Variants in HDGFL3 observed in about 807,000 individuals in gnomAD.
The protein encoded by HDGFL3 is hepatoma-derived growth factor-related protein 3.
A neutral mutation model predicts 27.6 loss-of-function variants in HDGFL3; 6 were observed. The ratio of observed to expected loss-of-function variants is 0.22; its 90% CI spans 0.12 to 0.43. HDGFL3 has a LOEUF of 0.43. Ranked by LOEUF, HDGFL3 falls within the 20% of genes least tolerant of loss-of-function variation. The pLI is 1.00. For synonymous variants in HDGFL3, 88 were observed against 88.9 expected, an observed-to-expected ratio of 0.99 and a Z score of 0.05; for missense variants, 207 against 250.1, an observed-to-expected ratio of 0.83 and a Z score of 1.16.
At chr15:83,159,831 C>A (rs797010941) in intron 2 of HDGFL3, among the ~76,000 whole-genome samples, 7 of 152,104 alleles carry the variant, frequency 4.6e-5, no homozygotes, top group African/African-American at 1.7e-4. Context: ...TGGTGTGAGA[C>A]AGGTTAACAG....
intron 1 of HDGFL3, among the ~76,000 whole-genome samples, chr15:83,191,309 C>T (rs1372847645): frequency 6.6e-6 from 1 of 152,082 alleles, no homozygotes; most frequent in Non-Finnish European, 1.5e-5. Flanking sequence ...ATTAAACACG[C>T]ATTTATAAAA....
At chr15:83,163,630 T>C in intron 2 of HDGFL3, 1 of 196,266 alleles carries the variant, frequency 5.1e-6, no homozygotes, top group Admixed American at 5.6e-5. Flanking sequence ...AGAACATAAC[T>C]TTGTTCTGTG....
chr15:83,114,854 C>G (rs1320916766), exon 4 of HDGFL3: 1 of 152,182 alleles, frequency 6.6e-6, no homozygotes, highest in Non-Finnish European at 1.5e-5. Flanking sequence ...GTTATTTGTG[C>G]TAGTAGTTTT....
intron 3 of HDGFL3, 71 bp downstream of exon 3, chr15:83,157,832 A>C: frequency 4.3e-6 from 6 of 1,400,538 alleles, no homozygotes; most frequent in Non-Finnish European, 6.0e-6. Flanking sequence ...AAGGACATAT[A>C]AGAAAGATTT....
At chr15:83,170,892 CAAAT>C (rs1224597143) in intron 1 of HDGFL3, among the ~76,000 whole-genome samples, 34 of 121,448 alleles carry the variant, frequency 2.8e-4, no homozygotes, top group Admixed American at 2.5e-4. Context: ...AAAAAAAAAA[CAAAT>C]AATCTCATTA....
intron 1 of HDGFL3, among the ~76,000 whole-genome samples, chr15:83,176,714 G>T (rs2037316094): frequency 6.6e-6 from 1 of 152,126 alleles, no homozygotes; most frequent in African/African-American, 2.4e-5. Context: ...CATATTTTAA[G>T]AGATTTCATC....
Position 83,157,775 on chromosome 15 carries a change from C to G in HDGFL3, c.300+128G>C, listed in dbSNP as rs1034292785. Reference sequence around the variant, plus strand: ...TAAGAATTACATTTAATCCAAAATGCTACTGGAGTCAAAAAGAATTGTGAC... The same window carrying G: ...TAAGAATTACATTTAATCCAAAATGGTACTGGAGTCAAAAAGAATTGTGAC... On this transcript the variant is annotated intron_variant, in intron 3 of 5. Transcript: ENST00000299633. The G allele has an allele frequency of 5.1e-6, 5 of 989,940 alleles. No individual in the cohort carries two copies. The African/African-American group carries it at 8.2e-5, about 16-fold the overall frequency. 61.3% of individuals were successfully genotyped at this position (989,940 alleles called of 1,614,324 possible).
intron 1 of HDGFL3, among the ~76,000 whole-genome samples, chr15:83,170,488 C>T (rs545056679): frequency 1.2e-4 from 18 of 152,228 alleles, no homozygotes; most frequent in East Asian, 1.2e-3. Flanking sequence ...CTATTTGATA[C>T]ATGGTGCTGG....
At chr15:83,142,114 A>C (rs1024293395) in intron 5 of HDGFL3, among the ~76,000 whole-genome samples, 1 of 152,218 alleles carries the variant, frequency 6.6e-6, no homozygotes. Flanking sequence ...CAGTAGGGCA[A>C]TTCCTCAAAG....
At chr15:83,162,159 G>A (rs969692830) in intron 2 of HDGFL3, among the ~76,000 whole-genome samples, 3 of 152,004 alleles carry the variant, frequency 2.0e-5, no homozygotes, top group Non-Finnish European at 4.4e-5. Flanking sequence ...ACCTACCATG[G>A]GCCAGGCACT....
At chr15:83,162,385 CA>C (rs569344034) in intron 2 of HDGFL3, among the ~76,000 whole-genome samples, 1 of 151,786 alleles carries the variant, frequency 6.6e-6, no homozygotes, top group African/African-American at 2.4e-5. Flanking sequence ...ATCAAACCAG[CA>C]AAAAAATCAC....
At chr15:83,175,922 C>T (rs1160188606) in intron 1 of HDGFL3, among the ~76,000 whole-genome samples, 1 of 152,140 alleles carries the variant, frequency 6.6e-6, no homozygotes, top group Non-Finnish European at 1.5e-5. Context: ...CAACACCCAA[C>T]ACTGGACAGA....
exon 4 of HDGFL3, chr15:83,115,496 T>G: frequency 7.4e-6 from 3 of 402,984 alleles, no homozygotes; most frequent in Non-Finnish European, 1.4e-5. Flanking sequence ...CCACTGCCCA[T>G]GTGGGATGTG....
At position 83,134,645 on chromosome 15, in the gene HDGFL3, T is replaced by C. The variant is rs1293595319; in HGVS notation, c.*4625A>G. 6.6e-6 allele frequency: 1 copy of C among 152,226 alleles called. No individual in the cohort carries two copies. The allele number at this position is 152,226 out of a possible 1,614,324, so 9.4% of individuals were successfully genotyped here. ...TTTTACACAGGCTCCCCTATGCAAG[T>C]AGGCACAACTGCTCATATTTATTCT... is the stretch of plus-strand genomic sequence containing the variant. On this transcript the variant is annotated 3_prime_UTR_variant, in exon 6 of 6. Coordinates refer to ENST00000299633, the MANE Select transcript of HDGFL3 (RefSeq NM_016073.4).
chr15:83,195,223 A>G (rs548808767), intron 1 of HDGFL3, among the ~76,000 whole-genome samples: 10 of 152,288 alleles, frequency 6.6e-5, no homozygotes, highest in Admixed American at 2.6e-4. Flanking sequence ...TCCTGTCATC[A>G]TGTTTCAGAC....
At chr15:83,198,205 C>T (rs1460634443) in intron 1 of HDGFL3, among the ~76,000 whole-genome samples, 1 of 151,994 alleles carries the variant, frequency 6.6e-6, no homozygotes, top group Non-Finnish European at 1.5e-5. Flanking sequence ...AGTTCAATGA[C>T]CTAATACACT....
intron 5 of HDGFL3, among the ~76,000 whole-genome samples, chr15:83,144,171 G>A (rs370185835): frequency 4.6e-5 from 7 of 152,230 alleles, no homozygotes; most frequent in Middle Eastern, 3.4e-3. Context: ...GACTACAGGC[G>A]GATGCCATAG....
intron 1 of HDGFL3, among the ~76,000 whole-genome samples, chr15:83,174,752 T>C (rs1374555486): frequency 6.6e-6 from 1 of 152,234 alleles, no homozygotes; most frequent in East Asian, 1.9e-4. Context: ...AATGTACTTA[T>C]TTTACTCTTG....
chr15:83,200,324 G>A (rs1335532716), intron 1 of HDGFL3, among the ~76,000 whole-genome samples: 1 of 149,326 alleles, frequency 6.7e-6, no homozygotes, highest in Non-Finnish European at 1.5e-5. Context: ...GACAGAGCAA[G>A]ACTCCATCTC....
Sources: allele counts gnomAD v4.1 joint callset (sites outside exome capture counted in the v4.1 genomes callset), GRCh38; gene constraint gnomAD v4.1.1; transcripts MANE v1.5; gene names NCBI Gene and HGNC (gene_info 2026-07-23, HGNC 2026-07-21).